Variants in STX11 observed in about 807,000 individuals in gnomAD.
STX11 encodes the protein syntaxin 11.
STX11 carries 21 observed loss-of-function variants against 19.9 expected under a neutral mutation model. The observed-to-expected ratio is 1.06, with a 90% CI of 0.75 to 1.52. STX11 has a LOEUF of 1.52. Among genes scored for constraint, STX11 ranks in the 40% most tolerant of loss-of-function variants. STX11 has a pLI of 0.00. For missense variants in STX11, 438 were observed against 405.9 expected (o/e 1.08, Z -0.68); for synonymous variants, 193 against 174.4 (o/e 1.11, Z -0.84).
the STX11 span, among the ~76,000 whole-genome samples, chr6:144,144,665 T>A: frequency 6.6e-6 from 1 of 152,242 alleles, no homozygotes; most frequent in Non-Finnish European, 1.5e-5. Flanking sequence ...ACTGAATTTT[T>A]AAATTTTATT....
Position 144,188,263 on chromosome 6 carries a change from C to T in STX11, c.*772C>T, listed in dbSNP as rs937137866. ...ATATTTTTACTTGATTACATATGCA[C>T]ATGTATGTAAATGTAAAATACTAAT... On this transcript the variant is annotated 3_prime_UTR_variant, in exon 2 of 2. Transcript: ENST00000367568. The T allele has an allele frequency of 1.3e-5, 3 of 232,916 alleles. No homozygotes were observed. The highest frequency in any genetic ancestry group is 1.4e-4 in the East Asian group (2 of 14,348). The allele number at this position is 232,916 out of a possible 1,614,324, so 14.4% of individuals were successfully genotyped here. A position where few individuals can be genotyped will look rare whatever the true frequency, so the allele number is the denominator to read the frequency against.
rs1253342780 is a variant in STX11, at chr6:144,169,667, T to TCCTTCCTC, written c.-5-16949_-5-16948insCCCTTCCT. On this transcript the variant is annotated intron_variant, in intron 1 of 1. Transcript: ENST00000367568. The surrounding 1 kb of genome is among the most constrained non-coding windows in gnomAD (Gnocchi z 5.2). ...TTTTCTTTTCCCTCCCTCCCTCCCT[T>TCCTTCCTC]CCTTCCTTCCTTCCTTCCTTCTTTC... Among the ~76,000 whole-genome samples, 4 of 141,948 alleles carry TCCTTCCTC rather than the reference T, an allele frequency of 2.8e-5. No homozygotes were observed. The highest frequency in any genetic ancestry group is 4.6e-5 in the Non-Finnish European group (3 of 65,092). The allele number at this position is 141,948 out of a possible 152,430, so 93.1% of individuals were successfully genotyped here.
the STX11 span, among the ~76,000 whole-genome samples, chr6:144,141,934 T>C: frequency 6.6e-6 from 1 of 151,958 alleles, no homozygotes; most frequent in Non-Finnish European, 1.5e-5. Context: ...TGCCCACCTC[T>C]GCCTCCTAAA....
rs73778538 is a variant in STX11 at position 144,153,390 on chromosome 6, A to G, written c.-6+2687A>G. ...GAGGATGAATTGTCAGGCAAGTGGAATTGTCTGCTGTAGGTGACCCAGCAG... is the reference window on the plus strand; with the variant it reads ...GAGGATGAATTGTCAGGCAAGTGGAGTTGTCTGCTGTAGGTGACCCAGCAG... On this transcript the variant is annotated intron_variant, in intron 1 of 1. Coordinates refer to ENST00000367568, the MANE Select transcript of STX11 (RefSeq NM_003764.4). The surrounding 1 kb of genome is among the most constrained non-coding windows in gnomAD (Gnocchi z 5.0). Among the ~76,000 whole-genome samples the G allele has an allele frequency of 0.022, 3,411 of 152,238 alleles. 138 individuals carry two copies. Among genetic ancestry groups the G allele is most frequent in the African/African-American group, 0.078 (3,223 of 41,520 alleles).
rs941177634 is a variant in STX11, at chr6:144,162,093, A to C, written c.-6+11390A>C. Among the ~76,000 whole-genome samples, 2 of 152,162 alleles carry C rather than the reference A, an allele frequency of 1.3e-5. No homozygotes were observed. The highest frequency in any genetic ancestry group is 4.8e-5 in the African/African-American group (2 of 41,418). On this transcript the variant is annotated intron_variant, in intron 1 of 1. Coordinates refer to ENST00000367568, the MANE Select transcript of STX11 (RefSeq NM_003764.4). The surrounding 1 kb of genome is among the most constrained non-coding windows in gnomAD (Gnocchi z 4.6). ...CTCTAGATTCTCTTTTACCCTGTTC[A>C]GAGTCTAATCTGTCATCTGTCTACT...
intron 1 of STX11, among the ~76,000 whole-genome samples, chr6:144,157,491 C>T (rs2128747961): frequency 6.6e-6 from 1 of 152,292 alleles, no homozygotes; most frequent in Non-Finnish European, 1.5e-5. Flanking sequence ...AGAGCATTCT[C>T]CTCTGCAACA....
chr6:144,143,368 G>T, the STX11 span, among the ~76,000 whole-genome samples: 1 of 152,082 alleles, frequency 6.6e-6, no homozygotes, highest in Non-Finnish European at 1.5e-5. Flanking sequence ...AAAGGGAAAT[G>T]GATAGCATAT....
Position 144,169,496 on chromosome 6 carries a change from T to C in STX11, c.-5-17127T>C, listed in dbSNP as rs999184204. ...TCAATTTTCAGTTCACTGTGATAGA[T>C]CTAGCATGTTTATGGCCAGCATACC... is the stretch of plus-strand genomic sequence containing the variant. On this transcript the variant is annotated intron_variant, in intron 1 of 1. Coordinates refer to ENST00000367568, the MANE Select transcript of STX11 (RefSeq NM_003764.4). The surrounding 1 kb of genome is among the most constrained non-coding windows in gnomAD (Gnocchi z 5.2). Among the ~76,000 whole-genome samples, 3 of 152,170 alleles carry C rather than the reference T, an allele frequency of 2.0e-5. No homozygotes were observed. Among genetic ancestry groups the C allele is most frequent in the Non-Finnish European group, 2.9e-5 (2 of 68,026 alleles).
Position 144,155,028 on chromosome 6 carries a change from T to G in STX11, c.-6+4325T>G, listed in dbSNP as rs1202641383. On this transcript the variant is annotated intron_variant, in intron 1 of 1. Coordinates refer to ENST00000367568, the MANE Select transcript of STX11 (RefSeq NM_003764.4). The surrounding 1 kb of genome is among the most constrained non-coding windows in gnomAD (Gnocchi z 4.5). ...CCTACCCTGACTTGGATTAATATCC[T>G]GATTTTTGTTCAGCAATCAGGGACT... Among the ~76,000 whole-genome samples the G allele has an allele frequency of 6.6e-6, 1 of 152,204 alleles. No homozygotes were observed. The highest frequency in any genetic ancestry group is 1.5e-5 in the Non-Finnish European group (1 of 68,024).
upstream of STX11, among the ~76,000 whole-genome samples, chr6:144,149,043 G>A (rs1334253941): frequency 6.6e-6 from 1 of 152,216 alleles, no homozygotes; most frequent in Admixed American, 6.5e-5. The surrounding 1 kb of genome is among the most constrained non-coding windows in gnomAD (Gnocchi z 5.1). Flanking sequence ...CATGTAATAT[G>A]CCACATTCAT....
chr6:144,166,304 CACTAATTTTATA>C (rs1467079471), intron 1 of STX11, among the ~76,000 whole-genome samples: 7 of 152,226 alleles, frequency 4.6e-5, no homozygotes, highest in Non-Finnish European at 1.0e-4. Context: ...AAAACCTAGC[CACTAATTTTATA>C]AACATTAAGT....
upstream of STX11, among the ~76,000 whole-genome samples, chr6:144,146,718 G>A (rs911987668): frequency 2.0e-5 from 3 of 152,016 alleles, no homozygotes; most frequent in Non-Finnish European, 2.9e-5. The surrounding 1 kb of genome is among the most constrained non-coding windows in gnomAD (Gnocchi z 4.4). Context: ...CACCGCACCC[G>A]GCTAATTCTT....
chr6:144,164,294 G>GTA lies in STX11; in HGVS notation c.-6+13595_-6+13596dup, dbSNP rs145953518. On this transcript the variant is annotated intron_variant, in intron 1 of 1. Coordinates refer to ENST00000367568, the MANE Select transcript of STX11 (RefSeq NM_003764.4). ...GATGCCATTATTTCTATGCTGTTGT[G>GTA]TATATTTTAGCTAATAGAATTGAGG... Among the ~76,000 whole-genome samples, 1,059 of 152,226 alleles carry GTA rather than the reference G, an allele frequency of 7.0e-3. 10 individuals are homozygous for GTA. Among genetic ancestry groups the GTA allele is most frequent in the Non-Finnish European group, 0.012 (804 of 68,008 alleles).
In STX11 at chr6:144,187,022, A is replaced by G. The variant is rs754792321; in HGVS notation, c.395A>G (p.Tyr132Cys). 1 of 1,612,064 alleles carries G rather than the reference A, an allele frequency of 6.2e-7. No individual in the cohort carries two copies. Among genetic ancestry groups the G allele is most frequent in the Non-Finnish European group, 8.5e-7 (1 of 1,179,872 alleles). ...SAVARISRAQ[Y>C]NALTLTFQRA... ...GTGGCGCGCATTTCGCGGGCGCAGTACAACGCGCTCACCCTCACCTTCCAG... is the reference window on the plus strand; with the variant it reads ...GTGGCGCGCATTTCGCGGGCGCAGTGCAACGCGCTCACCCTCACCTTCCAG... The change falls in exon 2 of 2, where the codon TAC becomes TGC. Residue 132 changes from tyrosine (Y) to cysteine (C), a missense_variant. Physicochemically the swap from Tyr to Cys is radical, Grantham distance 194. Transcript: ENST00000367568. This position sits in a 1 kb window ranked among gnomAD's most constrained non-coding sequence, Gnocchi z 5.6.
the STX11 span, among the ~76,000 whole-genome samples, chr6:144,144,613 G>A: frequency 1.1e-3 from 166 of 152,194 alleles, no homozygotes; most frequent in African/African-American, 3.9e-3. Context: ...ACTAGTTATC[G>A]TGGCTGTTAA....
At chr6:144,164,357 A>G (rs1324521392) in intron 1 of STX11, among the ~76,000 whole-genome samples, 1 of 152,214 alleles carries the variant, frequency 6.6e-6, no homozygotes, top group African/African-American at 2.4e-5. Flanking sequence ...GATAAAGAAT[A>G]CTCAACATAA....
chr6:144,177,715 A>C lies in STX11; in HGVS notation c.-5-8908A>C, dbSNP rs1388725321. On this transcript the variant is annotated intron_variant, in intron 1 of 1. Coordinates refer to ENST00000367568, the MANE Select transcript of STX11 (RefSeq NM_003764.4). This position sits in a 1 kb window ranked among gnomAD's most constrained non-coding sequence, Gnocchi z 4.4. ...CGGTGAGCCAAGATTGCACCACTGC[A>C]CTCCAGCCTGGGTGACAGAGGGAGA... 6.6e-6 allele frequency among the ~76,000 whole-genome samples: 1 copy of C among 152,120 alleles called. No individual in the cohort carries two copies. Among genetic ancestry groups the C allele is most frequent in the Admixed American group, 6.5e-5 (1 of 15,274 alleles).
chr6:144,155,122 ACTGT>A lies in STX11; in HGVS notation c.-6+4423_-6+4426del, dbSNP rs1345620232. On this transcript the variant is annotated intron_variant, in intron 1 of 1. Coordinates refer to ENST00000367568, the MANE Select transcript of STX11 (RefSeq NM_003764.4). This position sits in a 1 kb window ranked among gnomAD's most constrained non-coding sequence, Gnocchi z 4.5. ...CCTGGGAATTTACATTTTAATGGAGACTGTCTGAAGATTCCCAGAGCTTCAACCA... is the reference window on the plus strand; with the variant it reads ...CCTGGGAATTTACATTTTAATGGAGACTGAAGATTCCCAGAGCTTCAACCA... Among the ~76,000 whole-genome samples the A allele has an allele frequency of 7.2e-5, 11 of 152,318 alleles. No homozygotes were observed. Among genetic ancestry groups the A allele is most frequent in the African/African-American group, 2.4e-4 (10 of 41,574 alleles).
In STX11 at chr6:144,180,032, A is replaced by G. The variant is rs1209176346; in HGVS notation, c.-5-6591A>G. ...TCTCTTTCTGTGTGTGTGTGTATCTACAAGCTGATCTCCATAATAAGCTTC... is the reference window on the plus strand; with the variant it reads ...TCTCTTTCTGTGTGTGTGTGTATCTGCAAGCTGATCTCCATAATAAGCTTC... On this transcript the variant is annotated intron_variant, in intron 1 of 1. Transcript: ENST00000367568. This position sits in a 1 kb window ranked among gnomAD's most constrained non-coding sequence, Gnocchi z 5.3. 6.6e-6 allele frequency among the ~76,000 whole-genome samples: 1 copy of G among 152,156 alleles called. No individual in the cohort carries two copies. Among genetic ancestry groups the G allele is most frequent in the East Asian group, 1.9e-4 (1 of 5,194 alleles).
Sources: gnomAD v4.1 joint callset for allele counts (sites outside exome capture counted in the v4.1 genomes callset) on GRCh38, gnomAD v4.1.1 for gene constraint, Gnocchi (gnomAD v3.1) non-coding constraint, MANE v1.5 for transcripts, NCBI Gene and HGNC (gene_info 2026-07-23, HGNC 2026-07-21) for gene names.